The following SCARA3 variants were observed in gnomAD, a reference collection of about 807,000 sequenced individuals.
The protein encoded by SCARA3 is cellular stress response gene protein.
In SCARA3, 39 loss-of-function variants were observed where a neutral mutation model predicts 47.0. That is an observed-to-expected ratio of 0.83 (90% CI 0.64 to 1.08). The LOEUF (loss-of-function observed/expected upper bound fraction) is 1.08, where lower values mean the gene tolerates loss of function less well. Ranked by LOEUF, SCARA3 falls within the 50% of genes least tolerant of loss-of-function variation. The pLI is 0.00. For missense variants in SCARA3, 724 were observed against 792.3 expected, an observed-to-expected ratio of 0.91 and a Z score of 1.04; for synonymous variants, 356 against 334.1, an observed-to-expected ratio of 1.07 and a Z score of -0.71.
At chr8:27,710,724 C>T in the SCARA3 span, among the ~76,000 whole-genome samples, 1 of 152,114 alleles carries the variant, frequency 6.6e-6, no homozygotes. Context: ...TTTCCACTCC[C>T]TCTTTTTTCT....
At chr8:27,701,662 G>T in the SCARA3 span, 1 of 149,130 alleles carries the variant, frequency 6.7e-6, no homozygotes, top group Non-Finnish European at 1.5e-5. Flanking sequence ...GGAGTGCAGT[G>T]GTGTGATCAT....
the SCARA3 span, among the ~76,000 whole-genome samples, chr8:27,697,682 T>C: frequency 1.3e-5 from 2 of 152,086 alleles, no homozygotes; most frequent in African/African-American, 4.8e-5. Flanking sequence ...CGGTGGGAGA[T>C]ACTTGAATCA....
At chr8:27,722,895 G>A in the SCARA3 span, among the ~76,000 whole-genome samples, 1 of 152,040 alleles carries the variant, frequency 6.6e-6, no homozygotes, top group Non-Finnish European at 1.5e-5. Flanking sequence ...CCGGCACCAG[G>A]TCCACTTGTC....
chr8:27,725,777 GC>G, the SCARA3 span, among the ~76,000 whole-genome samples: 4 of 152,158 alleles, frequency 2.6e-5, no homozygotes, highest in African/African-American at 9.7e-5. Flanking sequence ...GGGGGGTCTT[GC>G]CCCATGGGAT....
chr8:27,724,954 C>A, the SCARA3 span, among the ~76,000 whole-genome samples: 1 of 152,062 alleles, frequency 6.6e-6, no homozygotes, highest in Non-Finnish European at 1.5e-5. Context: ...AGTAGCAAGT[C>A]ATAGAAAAAA....
chr8:27,646,370 A>G (rs920632708), intron 1 of SCARA3, among the ~76,000 whole-genome samples: 1 of 152,230 alleles, frequency 6.6e-6, no homozygotes, highest in Non-Finnish European at 1.5e-5. Flanking sequence ...AGCTGGTTAT[A>G]ACAAAGCTCT....
intron 3 of SCARA3, among the ~76,000 whole-genome samples, chr8:27,653,165 G>A (rs1387106778): frequency 6.6e-6 from 1 of 152,228 alleles, no homozygotes; most frequent in Non-Finnish European, 1.5e-5. Context: ...GGCACCTGGG[G>A]CCATTATCAA....
At chr8:27,676,438 C>G, downstream of SCARA3, 1 of 893,468 alleles carries the variant, frequency 1.1e-6, no homozygotes, top group Non-Finnish European at 1.7e-6. Flanking sequence ...TGACCTCAGC[C>G]AGGCCCCCGA....
chr8:27,687,493 TGAGAAAGACA>T, the SCARA3 span, among the ~76,000 whole-genome samples: 623 of 150,748 alleles, frequency 4.1e-3, 6 homozygotes, highest in African/African-American at 0.015. Context: ...AGAATGAGAG[TGAGAAAGACA>T]GAGAAAGGCA....
chr8:27,677,250 A>G (rs1274872863), downstream of SCARA3, among the ~76,000 whole-genome samples: 4 of 152,200 alleles, frequency 2.6e-5, no homozygotes, highest in East Asian at 7.7e-4. Flanking sequence ...CACACAGAGA[A>G]GTGGAGCCCA....
rs1457628025 is a variant in SCARA3, at chr8:27,634,632, T to TTCTCCCC, written c.7+426_7+432dup. Among the ~76,000 whole-genome samples, 2 of 151,878 alleles carry TTCTCCCC rather than the reference T, an allele frequency of 1.3e-5. 1 individual carries two copies. The highest frequency in any genetic ancestry group is 6.3e-3 in the Middle Eastern group (2 of 316). The stretch of plus-strand genomic sequence containing the variant: ...TTTCAACCGGGGGCCAGGCCTAGGA[T>TTCTCCCC]TCTCCCCCAGGACCTCCAGCCCTTC... On this transcript the variant is annotated intron_variant, in intron 1 of 5. Coordinates refer to ENST00000301904, the MANE Select transcript of SCARA3 (RefSeq NM_016240.3).
intron 1 of SCARA3, among the ~76,000 whole-genome samples, chr8:27,638,514 T>A (rs1221043468): frequency 6.6e-6 from 1 of 152,092 alleles, no homozygotes; most frequent in African/African-American, 2.4e-5. Flanking sequence ...TCTCTGTCTG[T>A]TTCTGGCACT....
At chr8:27,689,447 C>G in the SCARA3 span, among the ~76,000 whole-genome samples, 3,344 of 152,218 alleles carry the variant, frequency 0.022, 132 homozygotes, top group African/African-American at 0.071. Context: ...AGCTAAGCCA[C>G]TGACCCAACG....
chr8:27,704,565 C>A, the SCARA3 span, among the ~76,000 whole-genome samples: 7 of 152,142 alleles, frequency 4.6e-5, no homozygotes, highest in Non-Finnish European at 8.8e-5. Context: ...AAGTATCAGT[C>A]ATCAAGTTAG....
chr8:27,655,785 T>C lies in SCARA3; in HGVS notation c.227-997T>C, dbSNP rs34768950. ...GATTCTTACATAATTGCTGTATTAT[T>C]TATATAGAGTGCCATGCAGATACCA... On this transcript the variant is annotated intron_variant, in intron 3 of 5. Transcript: ENST00000301904. Among the ~76,000 whole-genome samples the C allele has an allele frequency of 3.0e-3, 460 of 152,310 alleles. 6 individuals carry two copies. Among genetic ancestry groups the C allele is most frequent in the Middle Eastern group, 0.01 (3 of 294 alleles).
At chr8:27,660,879 T>C (rs1475846880) in intron 5 of SCARA3, among the ~76,000 whole-genome samples, 1 of 148,920 alleles carries the variant, frequency 6.7e-6, no homozygotes, top group Admixed American at 6.7e-5. Context: ...GATAGATAGA[T>C]AGATAATGAT....
At chr8:27,664,606 G>T (rs1376733897) in intron 5 of SCARA3, among the ~76,000 whole-genome samples, 5 of 152,158 alleles carry the variant, frequency 3.3e-5, no homozygotes, top group African/African-American at 4.8e-5. Flanking sequence ...TAGGGTGTGG[G>T]GCAGGGAGTG....
chr8:27,726,508 C>G, the SCARA3 span, among the ~76,000 whole-genome samples: 1 of 152,086 alleles, frequency 6.6e-6, no homozygotes, highest in African/African-American at 2.4e-5. Flanking sequence ...ACCAGCCTGA[C>G]CAATGCGGTG....
the SCARA3 span, among the ~76,000 whole-genome samples, chr8:27,719,397 G>T: frequency 1.3e-5 from 2 of 152,284 alleles, no homozygotes; most frequent in South Asian, 4.1e-4. Context: ...AGAGTGGGAG[G>T]AGGGAGAGGA....
Sources: gnomAD v4.1 joint callset for allele counts (sites outside exome capture counted in the v4.1 genomes callset) on GRCh38, gnomAD v4.1.1 for gene constraint, MANE v1.5 for transcripts, NCBI Gene and HGNC (gene_info 2026-07-23, HGNC 2026-07-21) for gene names.